ACSF3: variants seen among roughly 807,000 people sequenced by gnomAD.
ACSF3 encodes malonate--CoA ligase ACSF3, mitochondrial.
Under a neutral mutation model 53.2 loss-of-function variants are expected in ACSF3, and 78 were observed. That is an observed-to-expected ratio of 1.47 (90% CI 1.22 to 1.77). The LOEUF is 1.77. Among genes scored for constraint, ACSF3 ranks in the 40% most tolerant of loss-of-function variants. The pLI is 0.00. For missense variants in ACSF3, 937 were observed against 771.1 expected, an observed-to-expected ratio of 1.22 and a Z score of -2.55; for synonymous variants, 414 against 333.1, an observed-to-expected ratio of 1.24 and a Z score of -2.65.
intron 6 of ACSF3, among the ~76,000 whole-genome samples, chr16:89,116,318 GC>G (rs1245449086): frequency 6.6e-6 from 1 of 152,142 alleles, no homozygotes; most frequent in East Asian, 1.9e-4. Context: ...CTCATTCCAT[GC>G]CTGCTTGGTT....
chr16:89,143,292 A>G (rs575607847), intron 8 of ACSF3, among the ~76,000 whole-genome samples: 29 of 152,288 alleles, frequency 1.9e-4, no homozygotes, highest in Admixed American at 1.5e-3. Flanking sequence ...GCCAGGACAC[A>G]GGCAGCTCAA....
chr16:89,145,911 G>A, intron 9 of ACSF3, 27 bp from the exon 10 acceptor site: 1 of 1,596,486 alleles, frequency 6.3e-7, no homozygotes, highest in Non-Finnish European at 8.6e-7. Context: ...GCATCCCCAT[G>A]TTCTCAAACT....
chr16:89,139,049 T>G (rs1335992121), intron 8 of ACSF3, among the ~76,000 whole-genome samples: 4 of 152,216 alleles, frequency 2.6e-5, no homozygotes, highest in Admixed American at 1.3e-4. Flanking sequence ...CTGCCATGGC[T>G]TGAGTCCCGC....
chr16:89,155,591 ACAGT>A lies in ACSF3; in HGVS notation c.*1388_*1391del, dbSNP rs1914633651. The A allele has an allele frequency of 2.2e-6, 1 of 454,110 alleles. No individual in the cohort carries two copies. Among genetic ancestry groups the A allele is most frequent in the Non-Finnish European group, 4.4e-6 (1 of 226,752 alleles). 28.1% of individuals were successfully genotyped at this position (454,110 alleles called of 1,614,324 possible). On this transcript the variant is annotated 3_prime_UTR_variant, in exon 11 of 11. Coordinates refer to ENST00000614302, the MANE Select transcript of ACSF3 (RefSeq NM_001243279.3). The stretch of plus-strand genomic sequence containing the variant: ...GCATCCCCATGGCCTGACCCCGGGA[ACAGT>A]CAGAGGAAGGGGTCCCGCCCTCCCG...
rs1975952297 is a variant in ACSF3 at position 89,106,129 on chromosome 16, TG to T, written c.822+3374del. 4.6e-5 allele frequency among the ~76,000 whole-genome samples: 7 copies of T among 152,156 alleles called. No individual in the cohort carries two copies. In the South Asian group the frequency reaches 1.4e-3, roughly 32 times the overall value. ...ATTTCTGCTCCGAGAGTGTCTACCC[TG>T]GGGTCTCTGCCTGGGGATCTGCTGT... is the stretch of plus-strand genomic sequence containing the variant. On this transcript the variant is annotated intron_variant, in intron 4 of 10. Transcript: ENST00000614302.
chr16:89,102,413 C>T, intron 3 of ACSF3, 191 bp from the exon 4 acceptor site: 1 of 670,484 alleles, frequency 1.5e-6, no homozygotes, highest in Non-Finnish European at 2.7e-6. Flanking sequence ...AAGTGAGTGA[C>T]CCAGCAGATC....
intron 8 of ACSF3, among the ~76,000 whole-genome samples, chr16:89,138,909 C>T (rs190115081): frequency 6.6e-6 from 1 of 152,316 alleles, no homozygotes; most frequent in East Asian, 1.9e-4. Context: ...GCTTAAACAC[C>T]CAAGTAGTTG....
intron 2 of ACSF3, among the ~76,000 whole-genome samples, chr16:89,099,123 G>A (rs1483654892): frequency 3.9e-5 from 6 of 152,268 alleles, no homozygotes; most frequent in Admixed American, 6.5e-5. Context: ...CAGGAGCCTC[G>A]TGGAGAGTGC....
intron 1 of ACSF3, among the ~76,000 whole-genome samples, chr16:89,097,112 G>T (rs1013543899): frequency 6.6e-6 from 1 of 152,226 alleles, no homozygotes; most frequent in Non-Finnish European, 1.5e-5. Context: ...TTGTAGAAAT[G>T]CCAAAAGGGG....
chr16:89,130,663 T>A (rs1177320530), intron 7 of ACSF3, among the ~76,000 whole-genome samples: 3 of 152,234 alleles, frequency 2.0e-5, no homozygotes, highest in African/African-American at 7.2e-5. Context: ...CCCTTGTTCC[T>A]CTCTGTGTGT....
chr16:89,119,922 A>G (rs1906204126), intron 6 of ACSF3, among the ~76,000 whole-genome samples: 1 of 152,236 alleles, frequency 6.6e-6, no homozygotes, highest in Admixed American at 6.5e-5. Flanking sequence ...CTCAGACATG[A>G]TAAGCGTTCA....
At chr16:89,141,763 C>T (rs1365467650) in intron 8 of ACSF3, among the ~76,000 whole-genome samples, 1 of 152,156 alleles carries the variant, frequency 6.6e-6, no homozygotes, top group Non-Finnish European at 1.5e-5. Flanking sequence ...CTGAGAGCGG[C>T]ACCACCTTCT....
chr16:89,132,068 C>T (rs1477061847), intron 7 of ACSF3, among the ~76,000 whole-genome samples: 1 of 152,284 alleles, frequency 6.6e-6, no homozygotes, highest in African/African-American at 2.4e-5. Flanking sequence ...AGCAGGACGA[C>T]ACACTCGGCA....
chr16:89,111,007 T>A (rs1976613307), intron 4 of ACSF3, among the ~76,000 whole-genome samples: 2 of 152,250 alleles, frequency 1.3e-5, no homozygotes, highest in African/African-American at 4.8e-5. Context: ...TGAATTCATT[T>A]TGGATCTTGT....
chr16:89,120,631 G>T lies in ACSF3; in HGVS notation c.1127-170G>T, dbSNP rs1483890884. ...CCACGTATCGTGTGGCTTTTCACCT[G>T]CTGGTGCCTACACCATCTTCTCTCT... On this transcript the variant is annotated intron_variant, in intron 6 of 10. Transcript: ENST00000614302. 7.2e-5 allele frequency among the ~76,000 whole-genome samples: 11 copies of T among 152,224 alleles called. No individual in the cohort carries two copies. The East Asian group carries it at 1.3e-3, about 19-fold the overall frequency.
At chr16:89,149,292 C>T (rs1913676188) in intron 10 of ACSF3, 1 of 152,260 alleles carries the variant, frequency 6.6e-6, no homozygotes, top group South Asian at 2.1e-4. Context: ...TTACCCAGTT[C>T]CAAAGCTGCT....
intron 7 of ACSF3, among the ~76,000 whole-genome samples, chr16:89,121,697 A>C (rs1451551893): frequency 6.6e-6 from 1 of 152,128 alleles, no homozygotes; most frequent in African/African-American, 2.4e-5. Context: ...ATCTCTGTGC[A>C]TTTCCTTCTC....
rs1597219912 is a variant in ACSF3 at position 89,139,636 on chromosome 16, A to T, written c.1367-5631A>T. On this transcript the variant is annotated intron_variant, in intron 8 of 10. Coordinates refer to ENST00000614302, the MANE Select transcript of ACSF3 (RefSeq NM_001243279.3). ...CGAGACAGAGTCTTGCTCTGTCGCC[A>T]GACTGGAGTGCAGTGGCGCCATCTC... 3.9e-5 allele frequency among the ~76,000 whole-genome samples: 5 copies of T among 127,522 alleles called. No homozygotes were observed. The South Asian group carries it at 1.3e-3, about 32-fold the overall frequency. 83.7% of individuals were successfully genotyped at this position (127,522 alleles called of 152,430 possible).
At chr16:89,116,812 C>T (rs1275842340) in intron 6 of ACSF3, among the ~76,000 whole-genome samples, 5 of 152,138 alleles carry the variant, frequency 3.3e-5, no homozygotes, top group African/African-American at 1.2e-4. Flanking sequence ...CCCAGGAAAC[C>T]TCCACCTCCG....
Sources: gnomAD v4.1 joint callset for allele counts (sites outside exome capture counted in the v4.1 genomes callset) on GRCh38, gnomAD v4.1.1 for gene constraint, MANE v1.5 for transcripts, NCBI Gene and HGNC (gene_info 2026-07-23, HGNC 2026-07-21) for gene names.